Variants in BANK1 observed in about 807,000 individuals in gnomAD.
BANK1 encodes the protein B cell scaffold protein with ankyrin repeats 1.
Under a neutral mutation model 94.5 loss-of-function variants are expected in BANK1, and 95 were observed. The observed-to-expected ratio is 1.00, with a 90% confidence interval of 0.85 to 1.19. The LOEUF (loss-of-function observed/expected upper bound fraction) is 1.19, where lower values mean the gene tolerates loss of function less well. Among genes scored for constraint, BANK1 ranks in the 50% most tolerant of loss-of-function variants. BANK1 has a pLI of 0.00. For missense variants in BANK1, 987 were observed against 932.2 expected, an observed-to-expected ratio of 1.06 and a Z score of -0.77; for synonymous variants, 334 against 308.4, an observed-to-expected ratio of 1.08 and a Z score of -0.87.
At chr4:101,903,700 G>A (rs1722354643) in intron 6 of BANK1, among the ~76,000 whole-genome samples, 1 of 152,178 alleles carries the variant, frequency 6.6e-6, no homozygotes, top group Non-Finnish European at 1.5e-5. Flanking sequence ...TCATGGCATA[G>A]GTAGGAATGC....
At chr4:101,854,637 G>C (rs929709666) in intron 2 of BANK1, among the ~76,000 whole-genome samples, 1 of 151,110 alleles carries the variant, frequency 6.6e-6, no homozygotes, top group South Asian at 2.1e-4. Flanking sequence ...ATATGTAAGG[G>C]GCAAATAACT....
intron 7 of BANK1, among the ~76,000 whole-genome samples, chr4:101,970,774 A>G (rs1022327787): frequency 9.9e-5 from 15 of 152,122 alleles, no homozygotes; most frequent in Non-Finnish European, 1.0e-4. Context: ...AGAGAAAACC[A>G]AACATCTGAT....
At chr4:101,915,525 G>A (rs1015265427) in intron 6 of BANK1, among the ~76,000 whole-genome samples, 4 of 152,050 alleles carry the variant, frequency 2.6e-5, no homozygotes, top group Non-Finnish European at 5.9e-5. Context: ...CTTGTATGAA[G>A]TTTCTTGAGA....
chr4:102,025,442 T>C lies in BANK1; in HGVS notation c.1527T>C (p.Pro509=), dbSNP rs1727054755. The C allele has an allele frequency of 6.2e-7, 1 of 1,613,816 alleles. No homozygotes were observed. The highest frequency in any genetic ancestry group is 8.5e-7 in the Non-Finnish European group (1 of 1,179,988). Residue 509 remains proline, a synonymous_variant, in exon 9 of 17, where the codon CCT becomes CCC. Coordinates refer to ENST00000322953, the MANE Select transcript of BANK1 (RefSeq NM_017935.5). The part of the protein sequence containing the change: ...NSQEPLMSSR[P]PLPPPRPVAN... ...AAGAGCCACTCATGAGCAGCAGACC[T>C]CCTCTCCCCCCGCCGCGACCTGTAG...
intron 11 of BANK1, among the ~76,000 whole-genome samples, chr4:102,046,820 A>AT (rs1206445834): frequency 6.6e-6 from 1 of 152,118 alleles, no homozygotes; most frequent in Non-Finnish European, 1.5e-5. Flanking sequence ...ATGTATTATG[A>AT]TTTTTTGTCT....
intron 5 of BANK1, among the ~76,000 whole-genome samples, chr4:101,894,401 C>T (rs1201795436): frequency 6.6e-6 from 1 of 151,928 alleles, no homozygotes; most frequent in African/African-American, 2.4e-5. Flanking sequence ...TCCAGGGAGA[C>T]CTAAACCACT....
chr4:101,858,806 A>G (rs1159662181), intron 3 of BANK1, among the ~76,000 whole-genome samples: 2 of 152,184 alleles, frequency 1.3e-5, no homozygotes, highest in Non-Finnish European at 2.9e-5. Flanking sequence ...ATGTTTTTAC[A>G]ATCAGAATCC....
chr4:102,053,653 A>G (rs952031500), intron 11 of BANK1, among the ~76,000 whole-genome samples: 5 of 152,030 alleles, frequency 3.3e-5, no homozygotes, highest in Middle Eastern at 3.6e-3. Context: ...GAATTAAACA[A>G]AATAAAAAGC....
intron 6 of BANK1, among the ~76,000 whole-genome samples, chr4:101,906,084 G>T (rs1722437965): frequency 1.3e-5 from 2 of 152,132 alleles, no homozygotes; most frequent in African/African-American, 4.8e-5. Flanking sequence ...TTGAGGTTGG[G>T]CCTGGGCATT....
At chr4:101,830,313 T>C (rs772831147) in intron 2 of BANK1, 107 bp downstream of exon 2, 350 of 917,752 alleles carry the variant, frequency 3.8e-4, no homozygotes, top group Non-Finnish European at 4.8e-4. Flanking sequence ...AGGATAGGAA[T>C]AAGAAAAATG....
chr4:101,867,555 G>T (rs1323394423), intron 4 of BANK1, among the ~76,000 whole-genome samples: 1 of 151,936 alleles, frequency 6.6e-6, no homozygotes, highest in East Asian at 1.9e-4. Context: ...ATAAATGTGT[G>T]TCTGAAGTAA....
chr4:101,967,955 G>C (rs1010184739), intron 7 of BANK1, among the ~76,000 whole-genome samples: 21 of 152,030 alleles, frequency 1.4e-4, no homozygotes, highest in African/African-American at 4.8e-4. Flanking sequence ...GAAGAAACAA[G>C]AGATGGGAAA....
rs151113986 is a variant in BANK1 at position 101,902,478 on chromosome 4, T to G, written c.1009+7068T>G. The stretch of plus-strand genomic sequence containing the variant: ...AAAGGGTATTTGGAAGTTAGCATGA[T>G]GTGGGCTTTAGTTGGGATTGCAATT... On this transcript the variant is annotated intron_variant, in intron 6 of 16. Coordinates refer to ENST00000322953, the MANE Select transcript of BANK1 (RefSeq NM_017935.5). Among the ~76,000 whole-genome samples, 696 of 152,342 alleles carry G rather than the reference T, an allele frequency of 4.6e-3. 7 individuals carry two copies. The highest frequency in any genetic ancestry group is 7.7e-3 in the Non-Finnish European group (522 of 68,030).
At chr4:101,862,948 C>A (rs1391427086) in intron 4 of BANK1, among the ~76,000 whole-genome samples, 4 of 151,926 alleles carry the variant, frequency 2.6e-5, no homozygotes, top group Non-Finnish European at 5.9e-5. Context: ...TTTATGGCAA[C>A]CACTAAACAT....
intron 6 of BANK1, among the ~76,000 whole-genome samples, chr4:101,910,426 A>G (rs368470891): frequency 2.6e-5 from 4 of 152,150 alleles, no homozygotes; most frequent in African/African-American, 9.7e-5. Context: ...TTATGCCTGT[A>G]ATCCCAGCAC....
chr4:102,010,449 A>G (rs1181289263), intron 7 of BANK1, among the ~76,000 whole-genome samples: 2 of 148,152 alleles, frequency 1.3e-5, no homozygotes, highest in South Asian at 2.2e-4. Context: ...CTGGAGTGCA[A>G]TGGCGCCATC....
intron 1 of BANK1, among the ~76,000 whole-genome samples, chr4:101,828,889 G>T (rs1460509146): frequency 6.6e-6 from 1 of 151,510 alleles, no homozygotes; most frequent in African/African-American, 2.4e-5. Context: ...TTGAGACAGA[G>T]TCTCACTCTG....
At chr4:101,858,503 C>A (rs1727760491) in intron 3 of BANK1, among the ~76,000 whole-genome samples, 1 of 152,084 alleles carries the variant, frequency 6.6e-6, no homozygotes, top group Non-Finnish European at 1.5e-5. Context: ...TCTTTAAACC[C>A]AGATCTTTAA....
At chr4:101,949,814 G>A (rs527936893) in intron 7 of BANK1, among the ~76,000 whole-genome samples, 7 of 152,260 alleles carry the variant, frequency 4.6e-5, no homozygotes, top group Admixed American at 2.0e-4. Context: ...AGCACTCAGT[G>A]TTAATTGAAA....
Sources: allele counts gnomAD v4.1 joint callset (sites outside exome capture counted in the v4.1 genomes callset), GRCh38; gene constraint gnomAD v4.1.1; transcripts MANE v1.5; gene names NCBI Gene and HGNC (gene_info 2026-07-23, HGNC 2026-07-21).